The following ZNF552 variants were observed in gnomAD, a reference collection of about 807,000 sequenced individuals.
ZNF552 encodes the protein zinc finger protein 552.
In ZNF552, 2 loss-of-function variants were observed where a neutral mutation model predicts 7.2. The observed-to-expected ratio is 0.28, with a 90% confidence interval of 0.11 to 0.88. ZNF552 has a LOEUF of 0.88. ZNF552 is among the 40% of genes least tolerant of loss of function. The pLI is 0.60. For synonymous variants in ZNF552, 173 were observed against 176.5 expected, an observed-to-expected ratio of 0.98 and a Z score of 0.16; for missense variants, 421 against 493.4, an observed-to-expected ratio of 0.85 and a Z score of 1.39.
Position 57,814,807 on chromosome 19 carries a change from T to G in ZNF552, c.-64A>C. ...GCCGTTAAAGAGCTGCAGAGTCACG[T>G]CTGTGCAAAGAGAAGAACGACTCTC... On this transcript the variant is annotated 5_prime_UTR_variant, in exon 1 of 3. Coordinates refer to ENST00000391701, the MANE Select transcript of ZNF552 (RefSeq NM_024762.3). 1 of 1,544,092 alleles carries G rather than the reference T, an allele frequency of 6.5e-7. No homozygotes were observed. The highest frequency in any genetic ancestry group is 8.9e-7 in the Non-Finnish European group (1 of 1,127,874).
chr19:57,813,504 C>T (rs891299543), intron 1 of ZNF552, 84 bp from the exon 2 acceptor site: 11 of 1,484,548 alleles, frequency 7.4e-6, no homozygotes, highest in Non-Finnish European at 1.8e-6. Context: ...TCTACTCTCG[C>T]ACATCCTCCT....
chr19:57,810,313 T>C (rs145597810), intron 2 of ZNF552, among the ~76,000 whole-genome samples: 5,171 of 152,106 alleles, frequency 0.034, 293 homozygotes, highest in African/African-American at 0.12. Flanking sequence ...CTACTAAAAA[T>C]ACAAAATATT....
chr19:57,813,569 A>C, intron 1 of ZNF552, 149 bp from the exon 2 acceptor site: 1 of 1,368,298 alleles, frequency 7.3e-7, no homozygotes, highest in South Asian at 1.4e-5. Flanking sequence ...GGGTACAGCC[A>C]CCAACAACAA....
At chr19:57,814,452 C>T in intron 1 of ZNF552, 1 of 1,474,480 alleles carries the variant, frequency 6.8e-7, no homozygotes. Context: ...CAGGTTGTTC[C>T]CTACAGGCGC....
At position 57,813,387 on chromosome 19, in the gene ZNF552, A is replaced by G; in HGVS notation, c.67T>C (p.Phe23Leu). The G allele has an allele frequency of 6.2e-7, 1 of 1,614,022 alleles. No homozygotes were observed. Among genetic ancestry groups the G allele is most frequent in the Non-Finnish European group, 8.5e-7 (1 of 1,180,014 alleles). Residue 23 changes from phenylalanine (F) to leucine (L), a missense_variant, in exon 2 of 3, where the codon TTT becomes CTT. Phe to Leu is a conservative substitution (Grantham distance 22, BLOSUM62 0). Transcript: ENST00000391701. The stretch of plus-strand genomic sequence containing the variant: ...AGGAGATTCCATTCCTCCTGGGTAA[A>G]TTTCACAGCCACGTCTTCAAAAGTC... Reference protein sequence around the residue: ...TVTFEDVAVKFTQEEWNLLSE... With the variant: ...TVTFEDVAVKLTQEEWNLLSE...
intron 2 of ZNF552, among the ~76,000 whole-genome samples, chr19:57,811,339 AAT>A: frequency 6.6e-6 from 1 of 151,820 alleles, no homozygotes. Flanking sequence ...ACGCCTGGCT[AAT>A]TTTTTTGTAT....
chr19:57,809,808 C>G lies in ZNF552; in HGVS notation c.161-705G>C, dbSNP rs1987819716. On this transcript the variant is annotated intron_variant, in intron 2 of 2. Coordinates refer to ENST00000391701, the MANE Select transcript of ZNF552 (RefSeq NM_024762.3). ...ACCAGCCTGGGAAACATGGTGAGAC[C>G]CTGTCTCTACAGAAATTATTTTTAA... Among the ~76,000 whole-genome samples the G allele has an allele frequency of 2.6e-5, 4 of 152,112 alleles. No homozygotes were observed. In the South Asian group the frequency reaches 8.3e-4, roughly 32 times the overall value.
At chr19:57,811,438 A>G (rs1987854816) in intron 2 of ZNF552, among the ~76,000 whole-genome samples, 1 of 152,046 alleles carries the variant, frequency 6.6e-6, no homozygotes, top group Non-Finnish European at 1.5e-5. Context: ...CTGGGATTAC[A>G]AGCATGAGCC....
chr19:57,809,287 G>T, intron 2 of ZNF552, 184 bp from the exon 3 acceptor site: 2 of 1,426,906 alleles, frequency 1.4e-6, no homozygotes. Flanking sequence ...ACAGAATGTA[G>T]GAGGCCTCAT....
chr19:57,814,722 A>G lies in ZNF552; in HGVS notation c.22T>C (p.Phe8Leu). The G allele has an allele frequency of 1.2e-6, 2 of 1,613,840 alleles. No homozygotes were observed. The highest frequency in any genetic ancestry group is 2.7e-5 in the African/African-American group (2 of 74,976). Residue 8 changes from phenylalanine (F) to leucine (L), a missense_variant, in exon 1 of 3, where the codon TTC becomes CTC. By Grantham distance (22) the Phe-to-Leu change is conservative (BLOSUM62 0). Transcript: ENST00000391701. MAAAALR[F>L]PVQGTVTFED... is the part of the protein sequence containing the mutation. ...GGCGCCACAATTACCTGAACGGGGAACCTTAGCGCGGCCGCCGCCATGGGA... is the reference window on the plus strand; with the variant it reads ...GGCGCCACAATTACCTGAACGGGGAGCCTTAGCGCGGCCGCCGCCATGGGA...
chr19:57,811,093 A>T (rs1244842099), intron 2 of ZNF552, among the ~76,000 whole-genome samples: 1 of 152,060 alleles, frequency 6.6e-6, no homozygotes, highest in Non-Finnish European at 1.5e-5. Context: ...GAACTCGGAG[A>T]CTGGTGGCGG....
Position 57,809,021 on chromosome 19 carries a change from A to G in ZNF552, c.243T>C (p.Pro81=). The change falls in exon 3 of 3, where the codon CCT becomes CCC. Residue 81 remains proline (P), a synonymous_variant. Coordinates refer to ENST00000391701, the MANE Select transcript of ZNF552 (RefSeq NM_024762.3). ...YIQRETQVRT[P]MAGVSPKKAH... is the part of the protein sequence containing the mutation. ...CCTTCTTGGGAGACACACCTGCCAT[A>G]GGAGTCCTGACCTGAGTCTCTCTTT... 6.4e-7 allele frequency: 1 copy of G among 1,563,808 alleles called. No individual in the cohort carries two copies. Among genetic ancestry groups the G allele is most frequent in the Non-Finnish European group, 8.7e-7 (1 of 1,153,484 alleles).
At position 57,807,774 on chromosome 19, in the gene ZNF552, G is replaced by A; in HGVS notation, c.*266C>T. 4.9e-6 allele frequency: 2 copies of A among 409,920 alleles called. No individual in the cohort carries two copies. The highest frequency in any genetic ancestry group is 9.8e-5 in the South Asian group (2 of 20,318). 25.4% of individuals were successfully genotyped at this position (409,920 alleles called of 1,614,324 possible). A position where few individuals can be genotyped will look rare whatever the true frequency, so the allele number is the denominator to read the frequency against. On this transcript the variant is annotated 3_prime_UTR_variant, in exon 3 of 3. Transcript: ENST00000391701. The stretch of plus-strand genomic sequence containing the variant: ...ACATGACAGCTCTCCTGTGAGTTAT[G>A]CAGCCAGACTTCTGGATAAATATCC...
chr19:57,812,704 G>A (rs925784161), intron 2 of ZNF552, among the ~76,000 whole-genome samples: 1 of 152,160 alleles, frequency 6.6e-6, no homozygotes. Flanking sequence ...AAGTAGCCAG[G>A]ATTAAAAGCG....
chr19:57,808,743 C>T lies in ZNF552; in HGVS notation c.521G>A (p.Ser174Asn). 1.2e-6 allele frequency: 2 copies of T among 1,614,178 alleles called. No homozygotes were observed. Among genetic ancestry groups the T allele is most frequent in the South Asian group, 1.1e-5 (1 of 91,080 alleles). Residue 174 changes from serine (S) to asparagine (N), a missense_variant, in exon 3 of 3, where the codon AGT becomes AAT. Physicochemically the swap from Ser to Asn is conservative, Grantham distance 46. This residue lies in a region of ZNF552 where 299 missense variants were observed against 293.7 expected (regional missense o/e 1.02). Coordinates refer to ENST00000391701, the MANE Select transcript of ZNF552 (RefSeq NM_024762.3). ...VSGESSVFSE[S>N]GKDFLLRSGL... ...TGACCTGAGCAAAAAGTCTTTCCCACTCTCACTGAAGACAGATGACTCCCC... is the reference window on the plus strand; with the variant it reads ...TGACCTGAGCAAAAAGTCTTTCCCATTCTCACTGAAGACAGATGACTCCCC...
chr19:57,807,290 G>A lies in ZNF552; in HGVS notation c.*750C>T, dbSNP rs1362226779. 1 of 152,222 alleles carries A rather than the reference G, an allele frequency of 6.6e-6. No homozygotes were observed. The highest frequency in any genetic ancestry group is 1.5e-5 in the Non-Finnish European group (1 of 68,056). The allele number at this position is 152,222 out of a possible 1,614,324, so 9.4% of individuals were successfully genotyped here. ...TAAGAAAATTCAAGCCAGGAGCAGT[G>A]GCTCACGCCTGCAATCCCAACACTT... On this transcript the variant is annotated 3_prime_UTR_variant, in exon 3 of 3. Coordinates refer to ENST00000391701, the MANE Select transcript of ZNF552 (RefSeq NM_024762.3).
At position 57,808,079 on chromosome 19, in the gene ZNF552, A is replaced by T; in HGVS notation, c.1185T>A (p.Leu395=). 7 of 1,613,788 alleles carry T rather than the reference A, an allele frequency of 4.3e-6. No individual in the cohort carries two copies. Among genetic ancestry groups the T allele is most frequent in the Non-Finnish European group, 5.9e-6 (7 of 1,179,898 alleles). The stretch of plus-strand genomic sequence containing the variant: ...TTTTGTGAACTCTCTGATGATGACG[A>T]AGTGAAGAGATTTGCCTAAATTTTT... The part of the protein sequence containing the change: ...CEKKFRQISS[L]RHHQRVHKRK... The change falls in exon 3 of 3, where the codon CTT becomes CTA. Residue 395 remains leucine, a synonymous_variant. Coordinates refer to ENST00000391701, the MANE Select transcript of ZNF552 (RefSeq NM_024762.3).
chr19:57,809,595 AG>A (rs1402140702), intron 2 of ZNF552, among the ~76,000 whole-genome samples: 3 of 152,148 alleles, frequency 2.0e-5, no homozygotes, highest in Non-Finnish European at 4.4e-5. Flanking sequence ...AAGATTATTC[AG>A]GGGAATAAAT....
chr19:57,813,786 C>T (rs895151635), intron 1 of ZNF552, among the ~76,000 whole-genome samples: 2 of 140,676 alleles, frequency 1.4e-5, no homozygotes, highest in African/African-American at 5.3e-5. Context: ...GCTCTGTCAC[C>T]CAGGGTGGAG....
Sources: allele counts gnomAD v4.1 joint callset (sites outside exome capture counted in the v4.1 genomes callset), GRCh38; gene constraint gnomAD v4.1.1; regional missense constraint gnomAD v4.1.1; transcripts MANE v1.5; gene names NCBI Gene and HGNC (gene_info 2026-07-23, HGNC 2026-07-21).